Variants in NCOA1 observed in about 807,000 individuals in gnomAD.
NCOA1 encodes Hin-2 protein.
A neutral mutation model predicts 150.9 loss-of-function variants in NCOA1; 35 were observed. The observed-to-expected ratio is 0.23, with a 90% CI of 0.18 to 0.31. The LOEUF (loss-of-function observed/expected upper bound fraction) is 0.31. Ranked by LOEUF, NCOA1 falls within the 10% of genes least tolerant of loss-of-function variation. The pLI, the probability that NCOA1 is intolerant of heterozygous loss-of-function variation, is 1.00. For synonymous variants in NCOA1, 590 were observed against 630.0 expected, an observed-to-expected ratio of 0.94 and a Z score of 0.95; for missense variants, 1,491 against 1,749.3, an observed-to-expected ratio of 0.85 and a Z score of 2.63.
chr2:24,753,523 A>T (rs1397710696), intron 20 of NCOA1, among the ~76,000 whole-genome samples: 1 of 152,210 alleles, frequency 6.6e-6, no homozygotes, highest in Non-Finnish European at 1.5e-5. Flanking sequence ...TTCCACAGAA[A>T]GTGTCCCTGT....
intron 2 of NCOA1, among the ~76,000 whole-genome samples, chr2:24,573,034 A>G (rs1572435364): frequency 6.6e-6 from 1 of 152,298 alleles, no homozygotes; most frequent in East Asian, 1.9e-4. Flanking sequence ...AAGGTGATAT[A>G]TAAGAGGAAG....
chr2:24,603,382 C>CATTGATTGACT (rs1228977792), intron 3 of NCOA1, among the ~76,000 whole-genome samples: 1 of 152,152 alleles, frequency 6.6e-6, no homozygotes, highest in African/African-American at 2.4e-5. Flanking sequence ...AAGTTTGCTG[C>CATTGATTGACT]ATTGATTGAC....
intron 2 of NCOA1, among the ~76,000 whole-genome samples, chr2:24,575,654 AC>A (rs1666925322): frequency 6.7e-6 from 1 of 150,044 alleles, no homozygotes; most frequent in Admixed American, 6.6e-5. Flanking sequence ...GCTCACTGCA[AC>A]CTCCACCTCC....
chr2:24,500,717 G>A (rs1663424465), intron 1 of NCOA1, among the ~76,000 whole-genome samples: 1 of 152,152 alleles, frequency 6.6e-6, no homozygotes, highest in Non-Finnish European at 1.5e-5. Flanking sequence ...AATGTCCCAA[G>A]TTTGTTGGTC....
At chr2:24,645,315 C>T (rs1431179506) in intron 4 of NCOA1, among the ~76,000 whole-genome samples, 2 of 149,816 alleles carry the variant, frequency 1.3e-5, no homozygotes, top group Non-Finnish European at 3.0e-5. Context: ...CAAGGTGAAA[C>T]CCCGTCTCTA....
At chr2:24,757,376 C>T (rs939084447) in intron 20 of NCOA1, among the ~76,000 whole-genome samples, 24 of 152,040 alleles carry the variant, frequency 1.6e-4, no homozygotes, top group African/African-American at 5.1e-4. Flanking sequence ...TTGACAGCAC[C>T]GAATAATAAT....
chr2:24,745,552 C>G (rs1156992971), intron 19 of NCOA1, among the ~76,000 whole-genome samples: 2 of 152,158 alleles, frequency 1.3e-5, no homozygotes, highest in Admixed American at 1.3e-4. Context: ...TTCCTTCAAG[C>G]CCATTTAGAG....
Position 24,491,293 on chromosome 2 carries a change from G to A in NCOA1, c.-705G>A, listed in dbSNP as rs1486193601. ...CCGAGGAGGAGAACATGGCGGCCGC[G>A]GAGAGCGGCTGAAATGCCTGTTCTT... On this transcript the variant is annotated 5_prime_UTR_variant, in exon 1 of 23. Coordinates refer to ENST00000348332, the MANE Select transcript of NCOA1 (RefSeq NM_003743.5). Among the ~76,000 whole-genome samples, 29 of 147,582 alleles carry A rather than the reference G, an allele frequency of 2.0e-4. No homozygotes were observed. Among genetic ancestry groups the A allele is most frequent in the Admixed American group, 1.9e-3 (28 of 14,882 alleles).
rs1663943251 is a variant in NCOA1 at position 24,511,736 on chromosome 2, A to G, written c.-396+20134A>G. The stretch of plus-strand genomic sequence containing the variant: ...AACATTTCTAATTTTGATAAGTCCA[A>G]TTTATTGATTTTGTTCCTTCTTATG... On this transcript the variant is annotated intron_variant, in intron 1 of 22. Transcript: ENST00000348332. Among the ~76,000 whole-genome samples the G allele has an allele frequency of 4.6e-5, 7 of 152,050 alleles. No homozygotes were observed. In the South Asian group the frequency reaches 1.5e-3, roughly 32 times the overall value.
intron 4 of NCOA1, among the ~76,000 whole-genome samples, chr2:24,645,510 GAAAAAA>G (rs397873594): frequency 2.7e-5 from 2 of 73,340 alleles, no homozygotes; most frequent in Non-Finnish European, 5.1e-5. Flanking sequence ...ACTCCTCTCA[GAAAAAA>G]AAAAAAAAAA....
chr2:24,516,492 C>T (rs1271531177), intron 1 of NCOA1, among the ~76,000 whole-genome samples: 5 of 150,778 alleles, frequency 3.3e-5, no homozygotes, highest in African/African-American at 9.7e-5. Flanking sequence ...GTGCCCGGCC[C>T]GCCTTTTTTT....
At chr2:24,711,605 C>T (rs1439396300) in intron 14 of NCOA1, 1 of 152,216 alleles carries the variant, frequency 6.6e-6, no homozygotes, top group East Asian at 1.9e-4. Flanking sequence ...CCCAACATTT[C>T]CCAAACTTTC....
At chr2:24,610,584 AT>A (rs1272688113) in intron 3 of NCOA1, among the ~76,000 whole-genome samples, 1 of 151,574 alleles carries the variant, frequency 6.6e-6, no homozygotes, top group Non-Finnish European at 1.5e-5. Flanking sequence ...TTGCCCATTC[AT>A]TTTTTATATT....
chr2:24,625,470 T>G (rs1054147824), intron 3 of NCOA1, among the ~76,000 whole-genome samples: 1 of 152,136 alleles, frequency 6.6e-6, no homozygotes, highest in Non-Finnish European at 1.5e-5. Context: ...AACTAACTTT[T>G]GCTTTGTTAA....
At chr2:24,550,905 T>G (rs969043569) in intron 1 of NCOA1, among the ~76,000 whole-genome samples, 2 of 152,178 alleles carry the variant, frequency 1.3e-5, no homozygotes, top group African/African-American at 4.8e-5. Context: ...GGTCAGGAGT[T>G]TGAGACCAGC....
intron 17 of NCOA1, among the ~76,000 whole-genome samples, chr2:24,734,783 G>A (rs189748588): frequency 1.7e-4 from 25 of 151,186 alleles, no homozygotes; most frequent in Non-Finnish European, 3.2e-4. Context: ...CAGCCTGGGT[G>A]GCAGAGCAAG....
intron 3 of NCOA1, among the ~76,000 whole-genome samples, chr2:24,584,796 C>T (rs1041395362): frequency 5.3e-5 from 8 of 152,108 alleles, no homozygotes; most frequent in African/African-American, 1.7e-4. Context: ...TGAAGATCTT[C>T]GAAAACTTCC....
At chr2:24,727,461 G>A (rs1558319077) in intron 15 of NCOA1, among the ~76,000 whole-genome samples, 1 of 152,100 alleles carries the variant, frequency 6.6e-6, no homozygotes, top group Admixed American at 6.6e-5. Flanking sequence ...CATCTACTCA[G>A]TGTCACATCT....
intron 1 of NCOA1, among the ~76,000 whole-genome samples, chr2:24,502,530 T>C (rs1228539509): frequency 6.6e-6 from 1 of 152,218 alleles, no homozygotes; most frequent in South Asian, 2.1e-4. Flanking sequence ...ACTGTTTTGC[T>C]CAGAAACCTT....
Sources: gnomAD v4.1 joint callset for allele counts (sites outside exome capture counted in the v4.1 genomes callset) on GRCh38, gnomAD v4.1.1 for gene constraint, MANE v1.5 for transcripts, NCBI Gene and HGNC (gene_info 2026-07-23, HGNC 2026-07-21) for gene names.